Variants in SEMA5B observed in about 807,000 individuals in gnomAD.
SEMA5B encodes semaphorin-5B.
A neutral mutation model predicts 135.0 loss-of-function variants in SEMA5B; 66 were observed. The observed-to-expected ratio is 0.49, with a 90% CI of 0.40 to 0.60. SEMA5B has a LOEUF of 0.60. Ranked by LOEUF, SEMA5B falls within the 20% of genes least tolerant of loss-of-function variation. The probability of loss-of-function intolerance (pLI) is 0.00; values close to 1 mark genes in which losing one functional copy is unlikely to be tolerated. For missense variants in SEMA5B, 1,501 were observed against 1,566.3 expected (o/e 0.96, Z 0.70); for synonymous variants, 690 against 639.5 (o/e 1.08, Z -1.19).
intron 1 of SEMA5B, among the ~76,000 whole-genome samples, chr3:122,967,504 C>A (rs562321380): frequency 6.6e-6 from 1 of 152,174 alleles, no homozygotes; most frequent in African/African-American, 2.4e-5. Context: ...AGAGGCCTGC[C>A]CTTAACCCAG....
At chr3:122,932,972 G>A (rs1396237176) in intron 5 of SEMA5B, among the ~76,000 whole-genome samples, 3 of 151,938 alleles carry the variant, frequency 2.0e-5, no homozygotes, top group Admixed American at 6.6e-5. Flanking sequence ...TGCTCCCCTC[G>A]GCCTCCCAAA....
intron 8 of SEMA5B, 25 bp from the exon 9 acceptor site, chr3:122,926,702 G>C: frequency 1.2e-6 from 2 of 1,604,432 alleles, no homozygotes; most frequent in Non-Finnish European, 1.7e-6. Context: ...GAGGAACAAG[G>C]GGCAGGGCAG....
intron 9 of SEMA5B, among the ~76,000 whole-genome samples, chr3:122,924,691 C>G (rs1938536540): frequency 6.6e-6 from 1 of 152,216 alleles, no homozygotes; most frequent in South Asian, 2.1e-4. Flanking sequence ...TCTTGCCACA[C>G]TGATCTCTGC....
In SEMA5B at chr3:122,943,494, G is replaced by C. The variant is rs755733079; in HGVS notation, c.370C>G (p.Arg124Gly). Reference protein sequence around the residue: ...WVSNFTYPGARDFSQLALDPS... With the variant: ...WVSNFTYPGAGDFSQLALDPS... ...TCCAAAGCCAGCTGGGAGAAATCCC[G>C]GGCTCCAGGGTAGGTGAAGTTAGAG... The change falls in exon 4 of 23, where the codon CGG becomes GGG. Residue 124 changes from arginine (R) to glycine (G), a missense_variant. Arg to Gly is a moderately radical substitution (Grantham distance 125). This residue lies in a region of SEMA5B where 574 missense variants were observed against 684.7 expected (regional missense o/e 0.84). Transcript: ENST00000357599. 10 of 1,610,200 alleles carry C rather than the reference G, an allele frequency of 6.2e-6. No individual in the cohort carries two copies. Among genetic ancestry groups the C allele is most frequent in the Non-Finnish European group, 8.5e-6 (10 of 1,178,866 alleles).
chr3:123,006,501 G>T (rs1942314540), intron 1 of SEMA5B, among the ~76,000 whole-genome samples: 1 of 152,172 alleles, frequency 6.6e-6, no homozygotes, highest in East Asian at 1.9e-4. Flanking sequence ...CCTTTAAACT[G>T]AATGGAAATC....
At chr3:122,938,457 G>A (rs1939402977) in intron 5 of SEMA5B, among the ~76,000 whole-genome samples, 1 of 152,186 alleles carries the variant, frequency 6.6e-6, no homozygotes, top group South Asian at 2.1e-4. Context: ...CAATGTCCCT[G>A]GGTGTGTGGA....
intron 1 of SEMA5B, among the ~76,000 whole-genome samples, chr3:123,020,046 G>T (rs540131605): frequency 6.6e-6 from 1 of 152,238 alleles, no homozygotes; most frequent in African/African-American, 2.4e-5. Context: ...CGGTCTAAAT[G>T]GTCCATGTGA....
intron 1 of SEMA5B, among the ~76,000 whole-genome samples, chr3:122,973,693 T>A (rs1941209993): frequency 1.3e-5 from 2 of 152,116 alleles, no homozygotes; most frequent in African/African-American, 4.8e-5. Context: ...TGCTGCAAAC[T>A]TGGGGGGTTG....
Position 122,910,210 on chromosome 3 carries a change from C to T in SEMA5B, c.3389G>A (p.Ser1130Asn), listed in dbSNP as rs893405284. ...CCGGAAGCTGTGTTTGTTCAGGGGG[C>T]TTGGGTAGTAAGTAGTCGTGTACAC... ...TNVYTTTYYP[S>N]PLNKHSFRPE... The change falls in exon 23 of 23, where the codon AGC (serine) becomes AAC (asparagine). Residue 1130 changes from serine (S) to asparagine (N), a missense_variant. Physicochemically the swap from Ser to Asn is conservative, Grantham distance 46. Around this residue, in one of 2 missense-constraint regions of SEMA5B, gnomAD observed 927 missense variants for 881.6 expected, o/e 1.05. Coordinates refer to ENST00000357599, the MANE Select transcript of SEMA5B (RefSeq NM_001031702.4). The T allele has an allele frequency of 3.1e-6, 5 of 1,614,082 alleles. No homozygotes were observed. In the African/African-American group the frequency reaches 5.3e-5, roughly 17 times the overall value.
intron 1 of SEMA5B, among the ~76,000 whole-genome samples, chr3:122,984,098 G>A (rs527979692): frequency 1.3e-5 from 2 of 152,338 alleles, no homozygotes; most frequent in African/African-American, 4.8e-5. Flanking sequence ...TTTTGCTATG[G>A]CGGGCTTGCC....
chr3:123,020,977 A>G (rs1458272582), intron 1 of SEMA5B, among the ~76,000 whole-genome samples: 1 of 152,236 alleles, frequency 6.6e-6, no homozygotes, highest in East Asian at 1.9e-4. Flanking sequence ...GCCCCAAGGC[A>G]CCTGGTCTAT....
intron 9 of SEMA5B, 47 bp downstream of exon 9, chr3:122,926,345 C>A: frequency 1.3e-6 from 2 of 1,562,386 alleles, no homozygotes; most frequent in Non-Finnish European, 1.7e-6. Flanking sequence ...GAGGCCAGGC[C>A]AGCTCCTGAC....
chr3:122,980,352 C>T (rs952422857), intron 1 of SEMA5B, among the ~76,000 whole-genome samples: 26 of 150,886 alleles, frequency 1.7e-4, no homozygotes, highest in South Asian at 4.2e-4. Flanking sequence ...CCCAGCTACT[C>T]GGGAGGCTGA....
rs1212418658 is a variant in SEMA5B at position 122,913,218 on chromosome 3, G to A, written c.2487C>T (p.Ser829=). Residue 829 remains serine, a synonymous_variant, in exon 17 of 23, where the codon TCC becomes TCT. Coordinates refer to ENST00000357599, the MANE Select transcript of SEMA5B (RefSeq NM_001031702.4). ...GGGTACCGTCGGTGTCGCAGGAGCC[G>A]GAGCCGTCCGCGGGACAGGTCCTCG... ...TETRTCPADG[S]GSCDTDALVE... The A allele has an allele frequency of 3.2e-6, 5 of 1,576,300 alleles. No individual in the cohort carries two copies. Among genetic ancestry groups the A allele is most frequent in the South Asian group, 1.1e-5 (1 of 87,124 alleles).
chr3:123,011,422 G>T (rs1318514711), intron 1 of SEMA5B, among the ~76,000 whole-genome samples: 1 of 152,222 alleles, frequency 6.6e-6, no homozygotes, highest in Admixed American at 6.5e-5. Flanking sequence ...GGCAGCCGGG[G>T]CTCGTCCCAG....
intron 1 of SEMA5B, among the ~76,000 whole-genome samples, chr3:122,977,929 C>T: frequency 6.6e-6 from 1 of 152,226 alleles, no homozygotes; most frequent in East Asian, 1.9e-4. Context: ...TAAATATTTG[C>T]CGACTAAAGG....
chr3:122,979,983 C>T (rs999619860), intron 1 of SEMA5B, among the ~76,000 whole-genome samples: 5 of 152,200 alleles, frequency 3.3e-5, no homozygotes, highest in African/African-American at 7.2e-5. Context: ...CGCAATAGCT[C>T]GCCTGACATT....
At chr3:122,933,491 C>A (rs1278778560) in intron 5 of SEMA5B, among the ~76,000 whole-genome samples, 1 of 152,062 alleles carries the variant, frequency 6.6e-6, no homozygotes. Flanking sequence ...TTAGGATCTT[C>A]TCCTTAATAA....
chr3:122,936,454 C>G (rs1305100684), intron 5 of SEMA5B, among the ~76,000 whole-genome samples: 2 of 152,158 alleles, frequency 1.3e-5, no homozygotes, highest in African/African-American at 4.8e-5. Context: ...GCATTGCCCT[C>G]CATGTCTGCC....
Sources: allele counts gnomAD v4.1 joint callset (sites outside exome capture counted in the v4.1 genomes callset), GRCh38; gene constraint gnomAD v4.1.1; regional missense constraint gnomAD v4.1.1; transcripts MANE v1.5; gene names NCBI Gene and HGNC (gene_info 2026-07-23, HGNC 2026-07-21).